Variants in HLCS observed in about 807,000 individuals in gnomAD.
The protein encoded by HLCS is biotin--protein ligase.
Under a neutral mutation model 75.0 loss-of-function variants are expected in HLCS, and 53 were observed. The observed-to-expected ratio is 0.71, with a 90% CI of 0.57 to 0.89. The LOEUF (loss-of-function observed/expected upper bound fraction) is 0.89. HLCS is among the 40% of genes least tolerant of loss of function. The pLI, the probability that HLCS is intolerant of heterozygous loss-of-function variation, is 0.00. For missense variants in HLCS, 966 were observed against 1,074.0 expected (o/e 0.90, Z 1.41); for synonymous variants, 431 against 428.6 (o/e 1.01, Z -0.07).
intron 5 of HLCS, among the ~76,000 whole-genome samples, chr21:36,906,063 AACAAAAC>A (rs2065440624): frequency 6.6e-6 from 1 of 151,248 alleles, no homozygotes; most frequent in African/African-American, 2.4e-5. Context: ...AAAAAAAAAA[AACAAAAC>A]AAAAATTGGG....
chr21:36,791,179 A>G (rs576754575), intron 6 of HLCS, among the ~76,000 whole-genome samples: 1 of 152,288 alleles, frequency 6.6e-6, no homozygotes, highest in East Asian at 1.9e-4. Context: ...CCTCTGTTGT[A>G]AAAACAATTC....
At position 36,936,579 on chromosome 21, in the gene HLCS, C is replaced by CA; in HGVS notation, c.1306dup (p.Cys436LeufsTer22). ...CCGGACGGGGCCTTCCTGGTACCTG[C>CA]AGCCACTGCTCAAGACGCTGAGCTT... On this transcript the variant is annotated frameshift_variant, in exon 4 of 11. Coordinates refer to ENST00000674895, the MANE Select transcript of HLCS (RefSeq NM_001352514.2). LOFTEE classifies it high-confidence loss of function. The CA allele has an allele frequency of 6.2e-7, 1 of 1,614,216 alleles. No individual in the cohort carries two copies. Among genetic ancestry groups the CA allele is most frequent in the African/African-American group, 1.3e-5 (1 of 75,062 alleles).
At chr21:36,869,089 A>T (rs2063675715) in intron 6 of HLCS, among the ~76,000 whole-genome samples, 1 of 149,562 alleles carries the variant, frequency 6.7e-6, no homozygotes, top group Non-Finnish European at 1.5e-5. Context: ...ATTAAGCAAA[A>T]GATGTTTAAT....
chr21:36,855,725 C>T (rs964276253), intron 6 of HLCS, among the ~76,000 whole-genome samples: 5 of 151,656 alleles, frequency 3.3e-5, no homozygotes, highest in East Asian at 1.9e-4. Context: ...CACAGGTGCA[C>T]GCCACCACAC....
At chr21:36,902,882 T>C (rs1354755460) in intron 5 of HLCS, among the ~76,000 whole-genome samples, 1 of 152,174 alleles carries the variant, frequency 6.6e-6, no homozygotes, top group Non-Finnish European at 1.5e-5. Context: ...CATGTGGGCT[T>C]AGCAGAGAGG....
chr21:36,881,775 C>G (rs539130806), intron 6 of HLCS, among the ~76,000 whole-genome samples: 1 of 152,260 alleles, frequency 6.6e-6, no homozygotes, highest in South Asian at 2.1e-4. Flanking sequence ...ATGTCCATAC[C>G]CTGAGGAACC....
intron 1 of HLCS, among the ~76,000 whole-genome samples, chr21:36,965,587 G>A (rs945829034): frequency 6.6e-6 from 1 of 152,206 alleles, no homozygotes; most frequent in Admixed American, 6.5e-5. Context: ...AAATTTAAAA[G>A]ACGCAAAGAC....
chr21:36,806,501 G>A (rs145103417), intron 6 of HLCS, among the ~76,000 whole-genome samples: 2 of 152,264 alleles, frequency 1.3e-5, no homozygotes, highest in African/African-American at 2.4e-5. Flanking sequence ...GAAAGGTGAC[G>A]GTCAGTGTGC....
At chr21:36,929,975 T>C (rs1328566321) in intron 5 of HLCS, among the ~76,000 whole-genome samples, 1 of 152,204 alleles carries the variant, frequency 6.6e-6, no homozygotes, top group Non-Finnish European at 1.5e-5. Context: ...AGTCTGAATA[T>C]ACTCTTGACA....
intron 6 of HLCS, among the ~76,000 whole-genome samples, chr21:36,845,851 G>C (rs2062779911): frequency 6.6e-6 from 1 of 152,068 alleles, no homozygotes; most frequent in African/African-American, 2.4e-5. Flanking sequence ...TATGAGCTCT[G>C]TGATGGCCAC....
intron 6 of HLCS, among the ~76,000 whole-genome samples, chr21:36,786,283 CTT>C (rs35436718): frequency 2.1e-4 from 31 of 145,064 alleles, no homozygotes; most frequent in East Asian, 4.0e-4. Context: ...TCTATTTAAG[CTT>C]TTTTTTTTTT....
chr21:36,912,844 G>A (rs1278970220), intron 5 of HLCS, among the ~76,000 whole-genome samples: 2 of 152,164 alleles, frequency 1.3e-5, no homozygotes, highest in Non-Finnish European at 2.9e-5. Context: ...GGGTCTCGCT[G>A]TGCTCTCCTC....
chr21:36,810,384 G>A (rs982800957), intron 6 of HLCS, among the ~76,000 whole-genome samples: 5 of 152,086 alleles, frequency 3.3e-5, no homozygotes, highest in East Asian at 3.8e-4. Context: ...ATGGTTCAGC[G>A]ATCAAAGATG....
chr21:36,788,337 G>A (rs548324256), intron 6 of HLCS, among the ~76,000 whole-genome samples: 70 of 152,168 alleles, frequency 4.6e-4, no homozygotes, highest in Non-Finnish European at 6.8e-4. Context: ...ACCGCACAGC[G>A]ACCCTTTGTC....
intron 2 of HLCS, chr21:36,943,504 A>G: frequency 6.5e-6 from 1 of 153,094 alleles, no homozygotes; most frequent in Non-Finnish European, 1.5e-5. Flanking sequence ...TGGCAAAAAC[A>G]AGAAGCTCAA....
At chr21:36,778,517 G>A (rs1044863332) in intron 6 of HLCS, among the ~76,000 whole-genome samples, 2 of 151,854 alleles carry the variant, frequency 1.3e-5, no homozygotes, top group African/African-American at 4.8e-5. Flanking sequence ...GACCTCAGGC[G>A]ATTCACCCGC....
In HLCS at chr21:36,754,312, C is replaced by T. The variant is rs779883958; in HGVS notation, c.2556G>A (p.Val852=). Residue 852 remains valine, a synonymous_variant, in exon 11 of 11, where the codon GTG becomes GTA. Coordinates refer to ENST00000674895, the MANE Select transcript of HLCS (RefSeq NM_001352514.2). ...LQVHQEGGEV[V]TVHPDGNSFD... is the part of the protein sequence containing the mutation. ...AGGAGTTGCCGTCCGGGTGCACAGT[C>T]ACAACCTCGCCGCCCTCCTGGTGAA... is the stretch of plus-strand genomic sequence containing the variant. The T allele has an allele frequency of 1.2e-6, 2 of 1,614,072 alleles. No individual in the cohort carries two copies. Among genetic ancestry groups the T allele is most frequent in the Non-Finnish European group, 1.7e-6 (2 of 1,180,000 alleles).
intron 2 of HLCS, among the ~76,000 whole-genome samples, chr21:36,954,775 A>AC (rs2067849010): frequency 6.6e-6 from 1 of 151,976 alleles, no homozygotes; most frequent in Non-Finnish European, 1.5e-5. Context: ...ACAAAACAAA[A>AC]AAAACAGCTG....
chr21:36,911,723 T>G (rs1411123747), intron 5 of HLCS, among the ~76,000 whole-genome samples: 1 of 118,222 alleles, frequency 8.5e-6, no homozygotes, highest in Non-Finnish European at 1.6e-5. Context: ...CACTCCAGCC[T>G]GGGCGATAGA....
Sources: gnomAD v4.1 joint callset for allele counts (sites outside exome capture counted in the v4.1 genomes callset) on GRCh38, gnomAD v4.1.1 for gene constraint, MANE v1.5 for transcripts, NCBI Gene and HGNC (gene_info 2026-07-23, HGNC 2026-07-21) for gene names.